The following GALNT10 variants were observed in gnomAD, a reference collection of about 807,000 sequenced individuals.
GALNT10 encodes the protein polypeptide N-acetylgalactosaminyltransferase 10.
Under a neutral mutation model 75.0 loss-of-function variants are expected in GALNT10, and 41 were observed. That is an observed-to-expected ratio of 0.55 (90% CI 0.43 to 0.71). The LOEUF (loss-of-function observed/expected upper bound fraction) is 0.71, where lower values mean the gene tolerates loss of function less well. Among genes scored for constraint, GALNT10 ranks in the 30% least tolerant of loss-of-function variants. The pLI is 0.00. For missense variants in GALNT10, 727 were observed against 818.5 expected (o/e 0.89, Z 1.36); for synonymous variants, 302 against 313.0 (o/e 0.96, Z 0.37).
Position 154,417,328 on chromosome 5 carries a change from C to T in GALNT10, c.*356C>T, listed in dbSNP as rs1000967440. 1.6e-5 allele frequency: 3 copies of T among 186,580 alleles called. No homozygotes were observed. The highest frequency in any genetic ancestry group is 3.3e-5 in the Non-Finnish European group (3 of 90,360). 11.6% of individuals were successfully genotyped at this position (186,580 alleles called of 1,614,324 possible). A position where few individuals can be genotyped will look rare whatever the true frequency, so the allele number is the denominator to read the frequency against. The stretch of plus-strand genomic sequence containing the variant: ...CTAGGCCACCCAAAAGTGAGTCCTG[C>T]GAGGTTGCCCAGCCCTCAGATGGCT... On this transcript the variant is annotated 3_prime_UTR_variant, in exon 12 of 12. Coordinates refer to ENST00000297107, the MANE Select transcript of GALNT10 (RefSeq NM_198321.4).
chr5:154,296,519 T>C (rs1754276152), intron 2 of GALNT10, among the ~76,000 whole-genome samples: 1 of 152,192 alleles, frequency 6.6e-6, no homozygotes, highest in Admixed American at 6.5e-5. Flanking sequence ...TTAATAATAA[T>C]AATAACCTGC....
chr5:154,367,684 C>T (rs999230968), intron 4 of GALNT10, among the ~76,000 whole-genome samples: 2 of 152,064 alleles, frequency 1.3e-5, no homozygotes, highest in Non-Finnish European at 1.5e-5. Flanking sequence ...GAAACCTCGT[C>T]TCTACTGAAA....
At chr5:154,212,881 T>G (rs532146129) in intron 1 of GALNT10, among the ~76,000 whole-genome samples, 52 of 150,762 alleles carry the variant, frequency 3.4e-4, no homozygotes, top group Non-Finnish European at 7.5e-4. Context: ...GGCAGGGGAA[T>G]GGCGTGAACC....
intron 10 of GALNT10, among the ~76,000 whole-genome samples, chr5:154,415,024 G>A (rs1300194727): frequency 2.0e-5 from 3 of 152,154 alleles, no homozygotes; most frequent in Non-Finnish European, 2.9e-5. Context: ...TTGGGAAGCT[G>A]AGGCAGGAGA....
intron 7 of GALNT10, among the ~76,000 whole-genome samples, chr5:154,398,664 C>G (rs961482730): frequency 6.6e-6 from 1 of 152,232 alleles, no homozygotes; most frequent in African/African-American, 2.4e-5. Flanking sequence ...CCCACAACCA[C>G]ATGGAGCAGT....
intron 3 of GALNT10, among the ~76,000 whole-genome samples, chr5:154,325,874 T>C (rs754350809): frequency 2.0e-5 from 3 of 152,010 alleles, no homozygotes; most frequent in Non-Finnish European, 4.4e-5. Context: ...GCCAAGACAA[T>C]TAGACAAGAA....
chr5:154,266,751 G>A (rs1179173771), intron 1 of GALNT10, among the ~76,000 whole-genome samples: 1 of 152,074 alleles, frequency 6.6e-6, no homozygotes, highest in African/African-American at 2.4e-5. Flanking sequence ...GTGTGGTGGT[G>A]CCTACCTGTA....
chr5:154,324,564 T>C (rs1000826842), intron 3 of GALNT10, among the ~76,000 whole-genome samples: 3 of 152,204 alleles, frequency 2.0e-5, no homozygotes, highest in African/African-American at 4.8e-5. Flanking sequence ...TCAAGATCTG[T>C]TCCCAGGGAA....
intron 1 of GALNT10, among the ~76,000 whole-genome samples, chr5:154,282,524 A>G (rs925164155): frequency 6.6e-6 from 1 of 152,240 alleles, no homozygotes; most frequent in Middle Eastern, 3.2e-3. Context: ...GATATACAGC[A>G]ATTTCTGCCA....
intron 1 of GALNT10, among the ~76,000 whole-genome samples, chr5:154,262,185 C>G (rs1214396507): frequency 1.3e-5 from 2 of 152,168 alleles, no homozygotes; most frequent in African/African-American, 4.8e-5. Context: ...TTAAAGAAAT[C>G]TCATGTGCAT....
At chr5:154,197,362 C>T (rs1309063397) in intron 1 of GALNT10, among the ~76,000 whole-genome samples, 2 of 152,112 alleles carry the variant, frequency 1.3e-5, no homozygotes, top group African/African-American at 2.4e-5. Context: ...GTTTTTTCTG[C>T]CTGGCCCTCT....
At chr5:154,371,571 C>CGT in intron 4 of GALNT10, among the ~76,000 whole-genome samples, 1 of 54,666 alleles carries the variant, frequency 1.8e-5, no homozygotes, top group African/African-American at 4.7e-5. Context: ...TGTACACACA[C>CGT]ACACACACAC....
intron 8 of GALNT10, among the ~76,000 whole-genome samples, chr5:154,407,375 A>G (rs1756303137): frequency 6.6e-6 from 1 of 152,266 alleles, no homozygotes; most frequent in South Asian, 2.1e-4. Context: ...AGTGAACTGT[A>G]GCAAAAAAGT....
chr5:154,253,596 A>G (rs535224025), intron 1 of GALNT10, among the ~76,000 whole-genome samples: 31 of 151,844 alleles, frequency 2.0e-4, no homozygotes, highest in Non-Finnish European at 3.5e-4. Flanking sequence ...TTAGTATGGG[A>G]TTTGACATCA....
In GALNT10 at chr5:154,294,091, G is replaced by A. The variant is rs118121412; in HGVS notation, c.160-725G>A. Among the ~76,000 whole-genome samples the A allele has an allele frequency of 1.0e-3, 153 of 152,316 alleles. 3 individuals carry two copies. The East Asian group carries it at 0.029, about 28-fold the overall frequency. The stretch of plus-strand genomic sequence containing the variant: ...ATGGTGGCTCATGCCTGTAATCCCA[G>A]CATTTTGGGAGGCTGAGGTGGGAGT... On this transcript the variant is annotated intron_variant, in intron 1 of 11. Transcript: ENST00000297107.
chr5:154,387,905 T>C (rs1291130749), intron 7 of GALNT10: 3 of 89,116 alleles, frequency 3.4e-5, no homozygotes, highest in African/African-American at 4.5e-5. Flanking sequence ...TTTTCTTTTC[T>C]TTTGTTTTTT....
chr5:154,218,582 A>G (rs1266055475), intron 1 of GALNT10, among the ~76,000 whole-genome samples: 1 of 152,202 alleles, frequency 6.6e-6, no homozygotes, highest in Admixed American at 6.5e-5. Context: ...GGTGGTATTT[A>G]TATTCCCAAA....
At chr5:154,389,114 G>C (rs1755855348) in intron 7 of GALNT10, 1 of 151,798 alleles carries the variant, frequency 6.6e-6, no homozygotes, top group Non-Finnish European at 1.5e-5. Context: ...AGTGGGGGAG[G>C]GATCTTTTTG....
intron 3 of GALNT10, among the ~76,000 whole-genome samples, chr5:154,304,380 A>C (rs921959083): frequency 6.6e-6 from 1 of 152,324 alleles, no homozygotes; most frequent in Admixed American, 6.5e-5. Context: ...CAGCCAGAGA[A>C]ATAAAGCATG....
Sources: gnomAD v4.1 joint callset for allele counts (sites outside exome capture counted in the v4.1 genomes callset) on GRCh38, gnomAD v4.1.1 for gene constraint, MANE v1.5 for transcripts, NCBI Gene and HGNC (gene_info 2026-07-23, HGNC 2026-07-21) for gene names.